Variants in CUX2 observed in about 807,000 individuals in gnomAD.
CUX2 encodes homeobox protein cut-like 2.
In CUX2, 40 loss-of-function variants were observed where a neutral mutation model predicts 144.8. The observed-to-expected ratio is 0.28, with a 90% CI of 0.21 to 0.36. The LOEUF is 0.36. Among genes scored for constraint, CUX2 ranks in the 10% least tolerant of loss-of-function variants. CUX2 has a pLI of 1.00. For missense variants in CUX2, 1,615 were observed against 1,994.0 expected (o/e 0.81, Z 3.62); for synonymous variants, 827 against 875.6 (o/e 0.94, Z 0.98).
chr12:111,106,734 T>C (rs541877867), intron 1 of CUX2, among the ~76,000 whole-genome samples: 2 of 152,194 alleles, frequency 1.3e-5, no homozygotes, highest in Non-Finnish European at 2.9e-5. Context: ...TCCAACAACA[T>C]GTGACAGAAA....
intron 3 of CUX2, among the ~76,000 whole-genome samples, chr12:111,251,382 G>C (rs1883553846): frequency 6.6e-6 from 1 of 152,208 alleles, no homozygotes; most frequent in South Asian, 2.1e-4. Flanking sequence ...GATTATATTA[G>C]TTGCCACCGA....
At chr12:111,069,099 G>C (rs1253333449) in intron 1 of CUX2, among the ~76,000 whole-genome samples, 1 of 151,982 alleles carries the variant, frequency 6.6e-6, no homozygotes, top group Non-Finnish European at 1.5e-5. Context: ...AGCAAGACTC[G>C]GTCTAAAAGA....
intron 1 of CUX2, among the ~76,000 whole-genome samples, chr12:111,112,578 A>G (rs1193110958): frequency 2.0e-5 from 3 of 151,696 alleles, no homozygotes; most frequent in Non-Finnish European, 2.9e-5. Flanking sequence ...CGTGGGGGGA[A>G]CTTTTGGACA....
intron 1 of CUX2, among the ~76,000 whole-genome samples, chr12:111,105,519 G>A (rs970546407): frequency 5.3e-5 from 8 of 151,596 alleles, no homozygotes; most frequent in Admixed American, 1.3e-4. Flanking sequence ...GCTCACGCAC[G>A]TGTGCATGTG....
chr12:111,232,365 G>A (rs970771831), intron 3 of CUX2, among the ~76,000 whole-genome samples: 24 of 152,048 alleles, frequency 1.6e-4, no homozygotes, highest in Non-Finnish European at 2.1e-4. Context: ...TTAGCTGGGC[G>A]TGGTGGTGCA....
chr12:111,091,437 C>A (rs896519064), intron 1 of CUX2, among the ~76,000 whole-genome samples: 14 of 152,122 alleles, frequency 9.2e-5, no homozygotes, highest in African/African-American at 3.4e-4. Flanking sequence ...CTGTACAGAC[C>A]CCTAAGAACA....
intron 3 of CUX2, among the ~76,000 whole-genome samples, chr12:111,252,818 T>C (rs1332640587): frequency 6.7e-6 from 1 of 150,206 alleles, no homozygotes; most frequent in Non-Finnish European, 1.5e-5. Flanking sequence ...TCCCAGCAAT[T>C]TGGGAGACTG....
At chr12:111,193,743 C>G (rs997309844) in intron 1 of CUX2, among the ~76,000 whole-genome samples, 1 of 152,178 alleles carries the variant, frequency 6.6e-6, no homozygotes, top group South Asian at 2.1e-4. Context: ...GTGGGCAGCA[C>G]TGCCATGGGC....
chr12:111,100,133 C>T (rs754496165), intron 1 of CUX2: 418 of 446,116 alleles, frequency 9.4e-4, no homozygotes, highest in Non-Finnish European at 1.4e-3. Context: ...TGCAAGGACC[C>T]GCCGAGGGTT....
At chr12:111,183,286 C>T (rs551481654) in intron 1 of CUX2, among the ~76,000 whole-genome samples, 2 of 152,344 alleles carry the variant, frequency 1.3e-5, no homozygotes, top group African/African-American at 2.4e-5. Flanking sequence ...TCAGGCTGTC[C>T]CTCAGGCAGG....
chr12:111,244,077 T>C (rs1237374490), intron 3 of CUX2, among the ~76,000 whole-genome samples: 2 of 151,946 alleles, frequency 1.3e-5, no homozygotes, highest in African/African-American at 4.8e-5. Flanking sequence ...CTGGTCTGGG[T>C]TATTAGCTTT....
chr12:111,189,508 T>C (rs1879750037), intron 1 of CUX2, among the ~76,000 whole-genome samples: 2 of 152,352 alleles, frequency 1.3e-5, no homozygotes, highest in Admixed American at 6.5e-5. Flanking sequence ...ATCAATATTG[T>C]TTGTTGTGGT....
intron 1 of CUX2, among the ~76,000 whole-genome samples, chr12:111,130,756 G>T (rs1294599902): frequency 6.6e-6 from 1 of 152,138 alleles, no homozygotes; most frequent in African/African-American, 2.4e-5. Flanking sequence ...ATTAAACCAA[G>T]GCAGTTTTGG....
intron 16 of CUX2, 48 bp from the exon 17 acceptor site, chr12:111,319,964 C>A (rs2136397181): frequency 7.0e-7 from 1 of 1,423,424 alleles, no homozygotes; most frequent in Non-Finnish European, 9.1e-7. Context: ...CCCCTGCATG[C>A]CGAGCCCTGA....
chr12:111,038,888 G>A (rs1869596208), intron 1 of CUX2, among the ~76,000 whole-genome samples: 3 of 151,864 alleles, frequency 2.0e-5, no homozygotes, highest in Admixed American at 2.0e-4. Flanking sequence ...TGAGCACGGT[G>A]CTATTTTGAC....
intron 10 of CUX2, among the ~76,000 whole-genome samples, chr12:111,305,475 A>T: frequency 6.6e-6 from 1 of 152,148 alleles, no homozygotes; most frequent in East Asian, 1.9e-4. Context: ...CTGTATTCTT[A>T]ACCTGACTGT....
intron 1 of CUX2, among the ~76,000 whole-genome samples, chr12:111,047,292 G>A (rs559010946): frequency 1.8e-4 from 27 of 152,312 alleles, no homozygotes; most frequent in Non-Finnish European, 1.8e-4. Flanking sequence ...TCAATAAATC[G>A]TGTCGTTGAT....
chr12:111,247,323 C>A (rs749441629), intron 3 of CUX2, among the ~76,000 whole-genome samples: 1 of 152,210 alleles, frequency 6.6e-6, no homozygotes. Flanking sequence ...TCCACAGATA[C>A]GTCCAGAAAG....
At chr12:111,096,237 C>G (rs1017119329) in intron 1 of CUX2, among the ~76,000 whole-genome samples, 1 of 152,148 alleles carries the variant, frequency 6.6e-6, no homozygotes, top group Admixed American at 6.5e-5. Context: ...AAAATGGAGC[C>G]CTCCGGTGGG....
Sources: gnomAD v4.1 joint callset for allele counts (sites outside exome capture counted in the v4.1 genomes callset) on GRCh38, gnomAD v4.1.1 for gene constraint, MANE v1.5 for transcripts, NCBI Gene and HGNC (gene_info 2026-07-23, HGNC 2026-07-21) for gene names.